Variants in ZNF596 observed in about 807,000 individuals in gnomAD.
ZNF596 encodes the protein zinc finger protein 596.
ZNF596 carries 45 observed loss-of-function variants against 48.3 expected under a neutral mutation model. The observed-to-expected ratio is 0.93, with a 90% confidence interval of 0.73 to 1.19. The LOEUF is 1.19. Among genes scored for constraint, ZNF596 ranks in the 50% most tolerant of loss-of-function variants. The probability of loss-of-function intolerance (pLI) is 0.00; values close to 1 mark genes in which losing one functional copy is unlikely to be tolerated. For synonymous variants in ZNF596, 270 were observed against 202.0 expected (o/e 1.34, Z -2.85); for missense variants, 848 against 599.7 (o/e 1.41, Z -4.32).
chr8:239,902 G>C (rs1033883815), intron 1 of ZNF596, among the ~76,000 whole-genome samples: 2 of 152,120 alleles, frequency 1.3e-5, no homozygotes, highest in Non-Finnish European at 2.9e-5. Context: ...CCCCATCCTA[G>C]AGCCTAGTAA....
In ZNF596 at chr8:245,839, G is replaced by A; in HGVS notation, c.992G>A (p.Gly331Glu). 1 of 1,614,116 alleles carries A rather than the reference G, an allele frequency of 6.2e-7. No homozygotes were observed. The highest frequency in any genetic ancestry group is 1.3e-5 in the African/African-American group (1 of 75,052). The change falls in exon 6 of 6, where the codon GGA (glycine) becomes GAA (glutamate). Residue 331 changes from glycine (G) to glutamate (E), a missense_variant. Gly to Glu is a moderately conservative substitution (Grantham distance 98). Coordinates refer to ENST00000398612, the MANE Select transcript of ZNF596 (RefSeq NM_001042416.3). ...AGACAACATGAAAGAACTCACAATG[G>A]AGAGAAACCATATGAATGTCATCTA... ...YLRQHERTHN[G>E]EKPYECHLCG...
At chr8:240,695 C>G (rs1169284489) in intron 1 of ZNF596, 129 bp from the exon 2 acceptor site, 9 of 609,036 alleles carry the variant, frequency 1.5e-5, no homozygotes, top group Admixed American at 2.9e-5. Flanking sequence ...GGAGAGCCAC[C>G]AACCCAACCC....
intron 2 of ZNF596, among the ~76,000 whole-genome samples, chr8:241,885 G>A (rs564391129): frequency 1.5e-4 from 23 of 152,254 alleles, no homozygotes; most frequent in African/African-American, 5.3e-4. Flanking sequence ...GGGGAAGCAA[G>A]CACCTTCTTC....
intron 1 of ZNF596, among the ~76,000 whole-genome samples, chr8:239,755 AT>A (rs913801673): frequency 8.5e-5 from 13 of 152,104 alleles, no homozygotes; most frequent in African/African-American, 2.9e-4. Flanking sequence ...TCATTCAGGG[AT>A]TTTTATGTGG....
At chr8:239,757 T>A (rs1796773137) in intron 1 of ZNF596, among the ~76,000 whole-genome samples, 1 of 152,034 alleles carries the variant, frequency 6.6e-6, no homozygotes, top group Non-Finnish European at 1.5e-5. Flanking sequence ...ATTCAGGGAT[T>A]TTTATGTGGT....
Position 240,925 on chromosome 8 carries a change from C to T in ZNF596, c.12+18C>T. 6.2e-7 allele frequency: 1 copy of T among 1,613,986 alleles called. No individual in the cohort carries two copies. Among genetic ancestry groups the T allele is most frequent in the Non-Finnish European group, 8.5e-7 (1 of 1,179,902 alleles). ...CATCACCGGTGAGTGGGAAATTCTT[C>T]TTTCTACTGAAATTTGTACCCCTGT... On this transcript the variant is annotated intron_variant, in intron 2 of 5. Coordinates refer to ENST00000398612, the MANE Select transcript of ZNF596 (RefSeq NM_001042416.3).
chr8:240,804 T>C lies in ZNF596; in HGVS notation c.-72-20T>C. 6.5e-7 allele frequency: 1 copy of C among 1,541,056 alleles called. No individual in the cohort carries two copies. The highest frequency in any genetic ancestry group is 9.0e-7 in the Non-Finnish European group (1 of 1,114,828). The stretch of plus-strand genomic sequence containing the variant: ...CTGGAGTGTCATGGTTTTTTTGTTT[T>C]TGTTTTTGTTTTTGCTCAGATTTGT... On this transcript the variant is annotated intron_variant, in intron 1 of 5. Transcript: ENST00000398612.
rs939267699 is a variant in ZNF596, at chr8:243,757, T to C, written c.175T>C (p.Leu59=). 10 of 1,613,798 alleles carry C rather than the reference T, an allele frequency of 6.2e-6. No individual in the cohort carries two copies. Among genetic ancestry groups the C allele is most frequent in the African/African-American group, 1.3e-5 (1 of 75,022 alleles). The change falls in exon 4 of 6, where the codon TTG becomes CTG. Residue 59 remains leucine (L), a synonymous_variant. Transcript: ENST00000398612. ...CTGCAAATCAGTTGTGCTTTCCCAA[T>C]TGGAGCAAGTAGAGAAACTTTCAAC... is the stretch of plus-strand genomic sequence containing the variant. ...QLCKSVVLSQ[L]EQVEKLSTQR...
In ZNF596 at chr8:245,986, G is replaced by C. The variant is rs759278467; in HGVS notation, c.1139G>C (p.Arg380Pro). The C allele has an allele frequency of 1.9e-6, 3 of 1,613,552 alleles. No individual in the cohort carries two copies. Among genetic ancestry groups the C allele is most frequent in the Non-Finnish European group, 8.5e-7 (1 of 1,179,910 alleles). The change falls in exon 6 of 6, where the codon CGA (arginine) becomes CCA (proline). Residue 380 changes from arginine (R) to proline (P), a missense_variant. By Grantham distance (103) the Arg-to-Pro change is moderately radical. Coordinates refer to ENST00000398612, the MANE Select transcript of ZNF596 (RefSeq NM_001042416.3). ...TTCACTGAATCTTCTGTGCTTAAAC[G>C]ACATGAGAGAATTCACACTGGAGAG... ...KAFTESSVLK[R>P]HERIHTGEKP...
rs1378255489 is a variant in ZNF596 at position 246,517 on chromosome 8, A to G, written c.*155A>G. ...GGTAGAGAGAATCCAGATGTATTTA[A>G]TGTTTATGGCACAAACTTCAGACTC... On this transcript the variant is annotated 3_prime_UTR_variant, in exon 6 of 6. Transcript: ENST00000398612. 2.1e-6 allele frequency: 2 copies of G among 960,268 alleles called. No individual in the cohort carries two copies. Among genetic ancestry groups the G allele is most frequent in the African/African-American group, 3.3e-5 (2 of 60,850 alleles). The allele number at this position is 960,268 out of a possible 1,614,324, so 59.5% of individuals were successfully genotyped here.
chr8:232,724 A>G, intron 1 of ZNF596, 30 bp downstream of exon 1: 1 of 398,518 alleles, frequency 2.5e-6, no homozygotes, highest in South Asian at 1.9e-5. Context: ...CTTGTCTTCC[A>G]TCGTCCCCAC....
intron 1 of ZNF596, chr8:240,465 T>A (rs1230397097): frequency 5.4e-6 from 1 of 183,520 alleles, no homozygotes; most frequent in African/African-American, 2.4e-5. Flanking sequence ...AAACCGAGAA[T>A]AATTAAATCT....
At position 246,201 on chromosome 8, in the gene ZNF596, T is replaced by C. The variant is rs1314065283; in HGVS notation, c.1354T>C (p.Cys452Arg). The part of the protein sequence containing the change: ...TGEKPYECNI[C>R]GKAFNRSYNF... ...AGAGAAACCATATGAATGCAATATATGTGGTAAAGCCTTCAATAGAAGTTA... is the reference window on the plus strand; with the variant it reads ...AGAGAAACCATATGAATGCAATATACGTGGTAAAGCCTTCAATAGAAGTTA... Residue 452 changes from cysteine to arginine, a missense_variant, in exon 6 of 6, where the codon TGT becomes CGT. Cys to Arg is a radical substitution (Grantham distance 180, BLOSUM62 -3). Coordinates refer to ENST00000398612, the MANE Select transcript of ZNF596 (RefSeq NM_001042416.3). 1 of 1,614,180 alleles carries C rather than the reference T, an allele frequency of 6.2e-7. No individual in the cohort carries two copies. The highest frequency in any genetic ancestry group is 1.7e-5 in the Admixed American group (1 of 60,022).
In ZNF596 at chr8:246,050, T is replaced by C. The variant is rs200366695; in HGVS notation, c.1203T>C (p.Thr401=). The C allele has an allele frequency of 6.2e-7, 1 of 1,614,148 alleles. No homozygotes were observed. The highest frequency in any genetic ancestry group is 8.5e-7 in the Non-Finnish European group (1 of 1,180,032). Residue 401 remains threonine, a synonymous_variant, in exon 6 of 6, where the codon ACT becomes ACC. Coordinates refer to ENST00000398612, the MANE Select transcript of ZNF596 (RefSeq NM_001042416.3). The part of the protein sequence containing the change: ...YECHVCGKAF[T]ESSDLRRHER... ...GCCATGTATGTGGGAAAGCCTTCAC[T>C]GAATCTTCTGACCTCAGACGACATG...
Position 245,355 on chromosome 8 carries a change from C to T in ZNF596, c.508C>T (p.His170Tyr). 1 of 1,614,060 alleles carries T rather than the reference C, an allele frequency of 6.2e-7. No homozygotes were observed. The highest frequency in any genetic ancestry group is 8.5e-7 in the Non-Finnish European group (1 of 1,179,964). Residue 170 changes from histidine to tyrosine, a missense_variant, in exon 6 of 6, where the codon CAT (histidine) becomes TAT (tyrosine). Coordinates refer to ENST00000398612, the MANE Select transcript of ZNF596 (RefSeq NM_001042416.3). ...CACCAAATGTAAATCATATGGAAGT[C>T]ATCTATTTGATTATGCCTTTATCCA... The part of the protein sequence containing the change: ...IHTKCKSYGS[H>Y]LFDYAFIQNS...
rs762149298 is a variant in ZNF596 at position 245,498 on chromosome 8, C to G, written c.651C>G (p.His217Gln). The G allele has an allele frequency of 6.2e-7, 1 of 1,614,190 alleles. No individual in the cohort carries two copies. The highest frequency in any genetic ancestry group is 1.1e-5 in the South Asian group (1 of 91,084). ...NSNLRRHEMIHTGEKPHGCHL... is the reference protein window; with the variant it reads ...NSNLRRHEMIQTGEKPHGCHL... ...ATCTTAGGCGACATGAGATGATTCA[C>G]ACTGGAGAGAAACCACACGGATGTC... The change falls in exon 6 of 6, where the codon CAC (histidine) becomes CAG (glutamine). Residue 217 changes from histidine (H) to glutamine (Q), a missense_variant. Physicochemically the swap from His to Gln is conservative, Grantham distance 24 (BLOSUM62 0). Coordinates refer to ENST00000398612, the MANE Select transcript of ZNF596 (RefSeq NM_001042416.3).
chr8:240,905 C>A lies in ZNF596; in HGVS notation c.10C>A (p.Pro4Thr). 1 of 1,614,076 alleles carries A rather than the reference C, an allele frequency of 6.2e-7. No individual in the cohort carries two copies. Among genetic ancestry groups the A allele is most frequent in the Non-Finnish European group, 8.5e-7 (1 of 1,179,988 alleles). The change falls in exon 2 of 6, where the codon CCG becomes ACG. Residue 4 changes from proline (P) to threonine (T), a missense_variant and splice_region_variant. By Grantham distance (38) the Pro-to-Thr change is conservative (BLOSUM62 -1). Coordinates refer to ENST00000398612, the MANE Select transcript of ZNF596 (RefSeq NM_001042416.3). ...TGGCTGAGCTAGTACAATGCCATCA[C>A]CGGTGAGTGGGAAATTCTTCTTTCT... MPS[P>T]DSMTFEDIIV...
intron 1 of ZNF596, among the ~76,000 whole-genome samples, chr8:238,807 T>TA (rs569539153): frequency 2.1e-3 from 318 of 151,512 alleles, no homozygotes; most frequent in Non-Finnish European, 2.9e-3. Context: ...AACTCCGCTT[T>TA]AAAAAAAAGA....
At chr8:232,367 G>GAT, upstream of ZNF596, 1 of 177,104 alleles carries the variant, frequency 5.6e-6, no homozygotes, top group Non-Finnish European at 1.3e-5. Context: ...CTCGCGCGAC[G>GAT]TTTTTTGTTG....
Sources: allele counts gnomAD v4.1 joint callset (sites outside exome capture counted in the v4.1 genomes callset), GRCh38; gene constraint gnomAD v4.1.1; transcripts MANE v1.5; gene names NCBI Gene and HGNC (gene_info 2026-07-23, HGNC 2026-07-21).